Variants in POLR3B observed in about 807,000 individuals in gnomAD.
The protein encoded by POLR3B is DNA-directed RNA polymerase III subunit RPC2.
In POLR3B, 96 loss-of-function variants were observed where a neutral mutation model predicts 147.4. That is an observed-to-expected ratio of 0.65 (90% CI 0.55 to 0.77). The LOEUF (loss-of-function observed/expected upper bound fraction) is 0.77, where lower values mean the gene tolerates loss of function less well. Among genes scored for constraint, POLR3B ranks in the 30% least tolerant of loss-of-function variants. The pLI is 0.00. For missense variants in POLR3B, 1,036 were observed against 1,413.5 expected (o/e 0.73, Z 4.28); for synonymous variants, 461 against 485.9 (o/e 0.95, Z 0.67).
In POLR3B at chr12:106,501,341, C is replaced by A; in HGVS notation, c.3003C>A (p.Tyr1001Ter). Residue 1001 changes from tyrosine to a stop codon, truncating the protein, a stop_gained, in exon 26 of 28, where the codon TAC becomes TAA. Transcript: ENST00000228347. LOFTEE classifies it high-confidence loss of function. Reference sequence around the variant, plus strand: ...CTTTCAGTGAGCCCTTAGAAGCATACATCTATTTTGGCCCCGTGTACTATC... The same window carrying A: ...CTTTCAGTGAGCCCTTAGAAGCATAAATCTATTTTGGCCCCGTGTACTATC... ...SGITGEPLEA[Y>*]IYFGPVYYQK... is the part of the protein sequence containing the mutation. The A allele has an allele frequency of 6.2e-7, 1 of 1,609,756 alleles. No homozygotes were observed. The highest frequency in any genetic ancestry group is 8.5e-7 in the Non-Finnish European group (1 of 1,175,970).
rs1565918777 is a variant in POLR3B, at chr12:106,504,382, A to C, written c.3272+128A>C. ...TGTGATCACTAACATACCCTCCCTC[A>C]TGCATGTATTCCTGTCATTGGGGAT... On this transcript the variant is annotated intron_variant, in intron 27 of 27. Coordinates refer to ENST00000228347, the MANE Select transcript of POLR3B (RefSeq NM_018082.6). The surrounding 1 kb of genome is among the most constrained non-coding windows in gnomAD (Gnocchi z 4.6). 2.6e-6 allele frequency: 2 copies of C among 779,676 alleles called. No homozygotes were observed. The highest frequency in any genetic ancestry group is 4.6e-6 in the Non-Finnish European group (2 of 436,784). 48.3% of individuals were successfully genotyped at this position (779,676 alleles called of 1,614,324 possible). A position where few individuals can be genotyped will look rare whatever the true frequency, so the allele number is the denominator to read the frequency against.
Position 106,457,686 on chromosome 12 carries a change from T to A in POLR3B, c.2452+390T>A, listed in dbSNP as rs75703712. On this transcript the variant is annotated intron_variant, in intron 21 of 27. Transcript: ENST00000228347. The stretch of plus-strand genomic sequence containing the variant: ...CTCCATTATAATTACAAACTTGTAA[T>A]GCATTTTGTTGATGAAACAAATAGC... Among the ~76,000 whole-genome samples the A allele has an allele frequency of 6.4e-3, 979 of 152,364 alleles. 10 individuals are homozygous for A. The highest frequency in any genetic ancestry group is 0.011 in the Non-Finnish European group (752 of 68,034).
intron 9 of POLR3B, among the ~76,000 whole-genome samples, chr12:106,389,497 A>T (rs2036885267): frequency 6.6e-6 from 1 of 152,186 alleles, no homozygotes; most frequent in African/African-American, 2.4e-5. Flanking sequence ...CATCAAGACA[A>T]CTTGAAGTGG....
chr12:106,491,710 T>C (rs189993813), intron 23 of POLR3B, among the ~76,000 whole-genome samples: 198 of 152,344 alleles, frequency 1.3e-3, no homozygotes, highest in Non-Finnish European at 1.2e-3. Flanking sequence ...TATAAATGTA[T>C]GCAATATATT....
At chr12:106,403,006 A>G (rs1353972954) in intron 10 of POLR3B, among the ~76,000 whole-genome samples, 3 of 151,986 alleles carry the variant, frequency 2.0e-5, no homozygotes, top group Admixed American at 6.5e-5. Context: ...AGAAACTACC[A>G]TCAGAGTGAA....
chr12:106,452,386 T>C (rs966473537), intron 19 of POLR3B, among the ~76,000 whole-genome samples: 1 of 152,192 alleles, frequency 6.6e-6, no homozygotes, highest in Non-Finnish European at 1.5e-5. Context: ...TCAGTTGTAA[T>C]GCCTGAGAAT....
rs754671920 is a variant in POLR3B, at chr12:106,496,862, C to T, written c.2928C>T (p.Leu976=). 1.9e-5 allele frequency: 31 copies of T among 1,613,870 alleles called. No individual in the cohort carries two copies. Among genetic ancestry groups the T allele is most frequent in the African/African-American group, 4.0e-5 (3 of 74,868 alleles). The part of the protein sequence containing the change: ...GSKVKDVCED[L]VRHGYNYLGK... ...AAGTGAAGGATGTGTGTGAGGACCT[C>T]GTTCGCCATGGTTATAACTACTTGG... is the stretch of plus-strand genomic sequence containing the variant. The change falls in exon 25 of 28, where the codon CTC becomes CTT. Residue 976 remains leucine, a synonymous_variant. Coordinates refer to ENST00000228347, the MANE Select transcript of POLR3B (RefSeq NM_018082.6).
At chr12:106,432,620 AATG>A (rs1353118955) in intron 15 of POLR3B, 140 bp downstream of exon 15, 1 of 767,296 alleles carries the variant, frequency 1.3e-6, no homozygotes, top group East Asian at 2.5e-5. Context: ...TAGAAAATAC[AATG>A]ATAACAGAAA....
chr12:106,413,508 T>C (rs2037257355), intron 12 of POLR3B, among the ~76,000 whole-genome samples: 1 of 152,184 alleles, frequency 6.6e-6, no homozygotes, highest in South Asian at 2.1e-4. Flanking sequence ...AGATGAATGA[T>C]GTATACCGTA....
chr12:106,430,440 A>G lies in POLR3B; in HGVS notation c.1431A>G (p.Gly477=), dbSNP rs760850969. 6.2e-7 allele frequency: 1 copy of G among 1,613,316 alleles called. No individual in the cohort carries two copies. Among genetic ancestry groups the G allele is most frequent in the Admixed American group, 1.7e-5 (1 of 59,992 alleles). ...GCTCCCTCCAGCCATCTCAGTGGGG[A>G]ATGCTGTGTCCTTCGGACACTCCTG... ...GPRSLQPSQW[G]MLCPSDTPEG... Residue 477 remains glycine, a synonymous_variant, in exon 14 of 28, where the codon GGA becomes GGG. Coordinates refer to ENST00000228347, the MANE Select transcript of POLR3B (RefSeq NM_018082.6).
intron 1 of POLR3B, among the ~76,000 whole-genome samples, chr12:106,359,202 C>T (rs901247179): frequency 2.0e-5 from 3 of 152,036 alleles, no homozygotes; most frequent in Admixed American, 1.3e-4. Context: ...GTGACTGAGA[C>T]CTTGTCTCAA....
chr12:106,383,621 T>A (rs1157372573), intron 9 of POLR3B, among the ~76,000 whole-genome samples: 1 of 152,106 alleles, frequency 6.6e-6, no homozygotes, highest in African/African-American at 2.4e-5. Context: ...ATTTATAGAT[T>A]AAATTTTTCA....
At chr12:106,437,366 A>C (rs2037591206) in intron 17 of POLR3B, among the ~76,000 whole-genome samples, 1 of 152,208 alleles carries the variant, frequency 6.6e-6, no homozygotes, top group Non-Finnish European at 1.5e-5. Flanking sequence ...TTCTGGTAAG[A>C]AAAGGACTTA....
intron 7 of POLR3B, 54 bp from the exon 8 acceptor site, chr12:106,378,213 A>G: frequency 9.1e-7 from 1 of 1,095,996 alleles, no homozygotes; most frequent in African/African-American, 1.5e-5. Flanking sequence ...CCATTACTAA[A>G]TCAACACTGG....
At chr12:106,502,858 A>G (rs2038623825) in intron 26 of POLR3B, among the ~76,000 whole-genome samples, 1 of 152,176 alleles carries the variant, frequency 6.6e-6, no homozygotes, top group African/African-American at 2.4e-5. Context: ...ACATCCAAAA[A>G]CTATTTCAGA....
intron 26 of POLR3B, among the ~76,000 whole-genome samples, chr12:106,501,684 A>G (rs896655607): frequency 2.6e-5 from 4 of 152,206 alleles, no homozygotes; most frequent in African/African-American, 7.2e-5. Context: ...TAACACAACT[A>G]TTTACTGTGT....
At chr12:106,372,008 C>T (rs376038060) in intron 6 of POLR3B, among the ~76,000 whole-genome samples, 5 of 152,194 alleles carry the variant, frequency 3.3e-5, no homozygotes, top group African/African-American at 1.2e-4. Context: ...CTGCTATGTG[C>T]CATACTATGA....
chr12:106,427,495 C>A, intron 13 of POLR3B, 137 bp downstream of exon 13: 1 of 817,560 alleles, frequency 1.2e-6, no homozygotes, highest in Non-Finnish European at 2.0e-6. Context: ...CAAATTTCTA[C>A]TTTGAAAGAA....
chr12:106,462,641 G>A (rs1048745010), intron 22 of POLR3B, among the ~76,000 whole-genome samples: 7 of 152,212 alleles, frequency 4.6e-5, no homozygotes, highest in Non-Finnish European at 7.3e-5. Flanking sequence ...GTGCCTGTGG[G>A]AAAGGTGTCC....
Sources: allele counts gnomAD v4.1 joint callset (sites outside exome capture counted in the v4.1 genomes callset), GRCh38; gene constraint gnomAD v4.1.1; non-coding constraint Gnocchi (gnomAD v3.1); transcripts MANE v1.5; gene names NCBI Gene and HGNC (gene_info 2026-07-23, HGNC 2026-07-21).